The following EPB41L3 variants were observed in gnomAD, a reference collection of about 807,000 sequenced individuals.
EPB41L3 encodes band 4.1-like protein 3.
EPB41L3 carries 57 observed loss-of-function variants against 127.1 expected under a neutral mutation model. The ratio of observed to expected loss-of-function variants is 0.45; its 90% confidence interval spans 0.36 to 0.56. The LOEUF (loss-of-function observed/expected upper bound fraction) is 0.56, where lower values mean the gene tolerates loss of function less well. Ranked by LOEUF, EPB41L3 falls within the 20% of genes least tolerant of loss-of-function variation. EPB41L3 has a pLI of 0.00. For synonymous variants in EPB41L3, 572 were observed against 549.5 expected, an observed-to-expected ratio of 1.04 and a Z score of -0.57; for missense variants, 1,273 against 1,372.2, an observed-to-expected ratio of 0.93 and a Z score of 1.14.
At chr18:5,540,350 A>G in intron 1 of EPB41L3, 1 of 985,414 alleles carries the variant, frequency 1.0e-6, no homozygotes, top group Non-Finnish European at 1.2e-6. Flanking sequence ...CTCGCAATGC[A>G]GTTCAACTTG....
At position 5,451,861 on chromosome 18, in the gene EPB41L3, C is replaced by T. The variant is rs1014648242; in HGVS notation, c.382-6617G>A. Among the ~76,000 whole-genome samples, 10 of 152,114 alleles carry T rather than the reference C, an allele frequency of 6.6e-5. 1 individual carries two copies. Among genetic ancestry groups the T allele is most frequent in the Admixed American group, 5.2e-4 (8 of 15,268 alleles). On this transcript the variant is annotated intron_variant, in intron 3 of 22. Transcript: ENST00000341928. ...GCAACTGCTTTTTGTTTTGCTTTGA[C>T]GGAGTCTCACTCTGTTGCCCCGGCT...
At chr18:5,561,352 G>A (rs2094133598) in intron 3 of EPB41L3, among the ~76,000 whole-genome samples, 1 of 152,102 alleles carries the variant, frequency 6.6e-6, no homozygotes, top group South Asian at 2.1e-4. Context: ...GTAAAGAAAT[G>A]CTTTAAAAAG....
chr18:5,573,694 C>A (rs557859124), intron 3 of EPB41L3, among the ~76,000 whole-genome samples: 2 of 152,256 alleles, frequency 1.3e-5, no homozygotes, highest in Non-Finnish European at 2.9e-5. Context: ...TACTTCTATA[C>A]CCATCAGGAC....
intron 3 of EPB41L3, among the ~76,000 whole-genome samples, chr18:5,569,973 A>G (rs962595381): frequency 3.3e-5 from 5 of 152,190 alleles, no homozygotes; most frequent in African/African-American, 4.8e-5. Context: ...TTTGTTAAAA[A>G]GCACTATTTT....
intron 3 of EPB41L3, among the ~76,000 whole-genome samples, chr18:5,556,491 G>A (rs1015588822): frequency 1.3e-5 from 2 of 152,128 alleles, no homozygotes; most frequent in African/African-American, 4.8e-5. Flanking sequence ...CACAAGAGGC[G>A]GGAGAATGAC....
At position 5,586,396 on chromosome 18, in the gene EPB41L3, CTTTTTTGT is replaced by C. The variant is rs1291322995; in HGVS notation, c.-306+25936_-306+25943del. On this transcript the variant is annotated intron_variant, in intron 3 of 21. Coordinates refer to the EPB41L3 transcript ENST00000545076. Reference sequence around the variant, plus strand: ...TGTATTATACTGTGATTTTCTTTTTCTTTTTTGTTTTTTTTTTTTTTGAAATAGGGTCT... The same window carrying C: ...TGTATTATACTGTGATTTTCTTTTTCTTTTTTTTTTTTTGAAATAGGGTCT... Among the ~76,000 whole-genome samples, 3 of 111,650 alleles carry C rather than the reference CTTTTTTGT, an allele frequency of 2.7e-5. No individual in the cohort carries two copies. The East Asian group carries it at 7.9e-4, about 29-fold the overall frequency. The allele number at this position is 111,650 out of a possible 152,430, so 73.2% of individuals were successfully genotyped here.
chr18:5,611,423 C>G (rs954098400), intron 3 of EPB41L3, among the ~76,000 whole-genome samples: 2 of 152,120 alleles, frequency 1.3e-5, no homozygotes, highest in Non-Finnish European at 2.9e-5. Flanking sequence ...TAGTAAAATT[C>G]ATACAGACAG....
Position 5,408,646 on chromosome 18 carries a change from G to GT in EPB41L3, c.2122-911dup, listed in dbSNP as rs564636469. Among the ~76,000 whole-genome samples, 619 of 140,160 alleles carry GT rather than the reference G, an allele frequency of 4.4e-3. 2 individuals are homozygous for GT. The highest frequency in any genetic ancestry group is 7.5e-3 in the Middle Eastern group (2 of 268). 92.0% of individuals were successfully genotyped at this position (140,160 alleles called of 152,430 possible). On this transcript the variant is annotated intron_variant, in intron 14 of 22. Coordinates refer to ENST00000341928, the MANE Select transcript of EPB41L3 (RefSeq NM_012307.5). Reference sequence around the variant, plus strand: ...AGACAAATATGGGGCAACTAAGAAAGTTTTTTTTTTTTTTTAAAAGAAGTC... The same window carrying GT: ...AGACAAATATGGGGCAACTAAGAAAGTTTTTTTTTTTTTTTTAAAAGAAGTC...
intron 3 of EPB41L3, among the ~76,000 whole-genome samples, chr18:5,574,684 C>T (rs2094320024): frequency 6.6e-6 from 1 of 152,060 alleles, no homozygotes; most frequent in Non-Finnish European, 1.5e-5. Flanking sequence ...AGTCCTGGGC[C>T]CTGAGTCTCT....
At chr18:5,468,626 C>T (rs868070078) in intron 3 of EPB41L3, among the ~76,000 whole-genome samples, 12 of 152,174 alleles carry the variant, frequency 7.9e-5, no homozygotes, top group South Asian at 2.1e-4. Flanking sequence ...GACTGCTCTC[C>T]GCTGACAGCT....
chr18:5,520,502 G>A (rs1212798759), intron 1 of EPB41L3, among the ~76,000 whole-genome samples: 1 of 149,728 alleles, frequency 6.7e-6, no homozygotes, highest in Non-Finnish European at 1.5e-5. Context: ...ATTAATTTTG[G>A]TCTTTTTCCT....
intron 3 of EPB41L3, among the ~76,000 whole-genome samples, chr18:5,566,723 CATTCTATTCTATTCTATTCT>C (rs57567803): frequency 0.012 from 1,387 of 112,408 alleles, 17 homozygotes; most frequent in African/African-American, 0.026. Context: ...TTTTCTATTC[CATTCTATTCTATTCTATTCT>C]ATTCTATTCT....
chr18:5,594,026 G>T (rs1267936713), intron 3 of EPB41L3, among the ~76,000 whole-genome samples: 2 of 152,100 alleles, frequency 1.3e-5, no homozygotes, highest in African/African-American at 4.8e-5. Flanking sequence ...AATTATCACA[G>T]GGTCCTGAGG....
chr18:5,552,023 A>G (rs1203071395), intron 3 of EPB41L3, among the ~76,000 whole-genome samples: 5 of 152,244 alleles, frequency 3.3e-5, no homozygotes, highest in Non-Finnish European at 2.9e-5. Context: ...GAATGTTAAG[A>G]ATTCCTCAAA....
chr18:5,455,682 A>G (rs2082938536), intron 3 of EPB41L3, among the ~76,000 whole-genome samples: 2 of 150,998 alleles, frequency 1.3e-5, no homozygotes, highest in Admixed American at 1.3e-4. Flanking sequence ...ACTTGAAACC[A>G]GACTTTTGCA....
rs1009731371 is a variant in EPB41L3 at position 5,489,119 on chromosome 18, G to C, written c.65C>G (p.Ala22Gly). ...KPDQEAEPQE[A>G]AGAQGRAGAP... is the part of the protein sequence containing the mutation. ...CCCCGCGCGCCCCTGCGCCCCCGCC[G>C]CCTCCTGGGGCTCGGCCTCCTGGTC... Residue 22 changes from alanine to glycine, a missense_variant, in exon 2 of 23, where the codon GCG (alanine) becomes GGG (glycine). Transcript: ENST00000341928. 1.3e-6 allele frequency: 2 copies of C among 1,593,812 alleles called. No individual in the cohort carries two copies. The highest frequency in any genetic ancestry group is 1.7e-6 in the Non-Finnish European group (2 of 1,174,586).
intron 8 of EPB41L3, among the ~76,000 whole-genome samples, chr18:5,430,822 C>T (rs1423167618): frequency 6.6e-6 from 1 of 151,780 alleles, no homozygotes; most frequent in Non-Finnish European, 1.5e-5. Flanking sequence ...TCTCAGAGTG[C>T]TAGGATTACA....
At chr18:5,450,356 T>C (rs1261889133) in intron 3 of EPB41L3, among the ~76,000 whole-genome samples, 1 of 152,116 alleles carries the variant, frequency 6.6e-6, no homozygotes, top group Non-Finnish European at 1.5e-5. Flanking sequence ...TCAACAATAA[T>C]GTGTCAATAT....
intron 1 of EPB41L3, among the ~76,000 whole-genome samples, chr18:5,518,102 A>G (rs933077136): frequency 1.3e-5 from 2 of 152,036 alleles, no homozygotes; most frequent in African/African-American, 4.8e-5. Context: ...TACTCATCCT[A>G]TAGAGCTCCT....
Sources: allele counts gnomAD v4.1 joint callset (sites outside exome capture counted in the v4.1 genomes callset), GRCh38; gene constraint gnomAD v4.1.1; transcripts MANE v1.5; gene names NCBI Gene and HGNC (gene_info 2026-07-23, HGNC 2026-07-21).